CNTN1: variants seen among roughly 807,000 people sequenced by gnomAD.
The protein encoded by CNTN1 is contactin 1.
In CNTN1, 38 loss-of-function variants were observed where a neutral mutation model predicts 126.4. The ratio of observed to expected loss-of-function variants is 0.30; its 90% CI spans 0.23 to 0.39. The LOEUF (loss-of-function observed/expected upper bound fraction) is 0.39. Among genes scored for constraint, CNTN1 ranks in the 10% least tolerant of loss-of-function variants. CNTN1 has a pLI of 1.00. For missense variants in CNTN1, 1,009 were observed against 1,248.4 expected, an observed-to-expected ratio of 0.81 and a Z score of 2.89; for synonymous variants, 413 against 422.6, an observed-to-expected ratio of 0.98 and a Z score of 0.28.
chr12:40,792,606 G>A (rs1236330676), intron 1 of CNTN1, among the ~76,000 whole-genome samples: 3 of 151,902 alleles, frequency 2.0e-5, no homozygotes, highest in African/African-American at 7.3e-5. Context: ...GTGGGTTAGT[G>A]GAAAAAATAA....
intron 17 of CNTN1, among the ~76,000 whole-genome samples, chr12:41,008,541 G>C (rs1010294102): frequency 1.3e-5 from 2 of 152,074 alleles, no homozygotes; most frequent in Admixed American, 6.6e-5. Flanking sequence ...TGTAATTTTA[G>C]TGTTAACCCT....
At chr12:40,997,924 T>C (rs114999651) in intron 17 of CNTN1, among the ~76,000 whole-genome samples, 124 of 152,330 alleles carry the variant, frequency 8.1e-4, no homozygotes, top group African/African-American at 3.0e-3. Context: ...AGTACTGGAA[T>C]CTGATTTTAT....
At chr12:40,872,571 C>CTTTTTTTT (rs35866838) in intron 1 of CNTN1, among the ~76,000 whole-genome samples, 90 of 108,614 alleles carry the variant, frequency 8.3e-4, no homozygotes, top group Non-Finnish European at 1.2e-3. Context: ...TTTTTTCTTT[C>CTTTTTTTT]TTTTTTTTTT....
intron 4 of CNTN1, among the ~76,000 whole-genome samples, chr12:40,919,193 C>T (rs1191848752): frequency 6.6e-6 from 1 of 152,114 alleles, no homozygotes; most frequent in Non-Finnish European, 1.5e-5. Context: ...AAAGATCTTG[C>T]ACAAATAACT....
At chr12:40,895,362 A>C (rs1944374338) in intron 1 of CNTN1, among the ~76,000 whole-genome samples, 1 of 152,188 alleles carries the variant, frequency 6.6e-6, no homozygotes, top group African/African-American at 2.4e-5. Flanking sequence ...GCAACTAGGT[A>C]AGTTATAAAG....
intron 1 of CNTN1, among the ~76,000 whole-genome samples, chr12:40,714,364 G>A (rs923057946): frequency 1.3e-5 from 2 of 151,992 alleles, no homozygotes; most frequent in Non-Finnish European, 2.9e-5. Context: ...CTGAATAATA[G>A]CACCTTCCCC....
chr12:41,001,740 G>T (rs1206475435), intron 17 of CNTN1, among the ~76,000 whole-genome samples: 2 of 151,980 alleles, frequency 1.3e-5, no homozygotes, highest in Admixed American at 1.3e-4. Context: ...TGTCCTCCAG[G>T]GTTTTTATAG....
chr12:41,023,461 G>A (rs1234170695), intron 20 of CNTN1, among the ~76,000 whole-genome samples: 1 of 152,198 alleles, frequency 6.6e-6, no homozygotes, highest in African/African-American at 2.4e-5. Flanking sequence ...GTGTAGGTAA[G>A]CTAGAAGAAT....
At chr12:41,024,595 T>C (rs1948999020) in intron 20 of CNTN1, among the ~76,000 whole-genome samples, 1 of 152,168 alleles carries the variant, frequency 6.6e-6, no homozygotes, top group Non-Finnish European at 1.5e-5. Context: ...ATTTCTTTGA[T>C]ATCTAGCTTC....
Position 40,908,370 on chromosome 12 carries a change from T to C in CNTN1, c.-63T>C. The C allele has an allele frequency of 8.0e-7, 1 of 1,243,752 alleles. No homozygotes were observed. The highest frequency in any genetic ancestry group is 1.2e-6 in the Non-Finnish European group (1 of 846,918). The allele number at this position is 1,243,752 out of a possible 1,614,324, so 77.0% of individuals were successfully genotyped here. On this transcript the variant is annotated 5_prime_UTR_variant, in exon 2 of 24. Coordinates refer to ENST00000551295, the MANE Select transcript of CNTN1 (RefSeq NM_001843.4). Reference sequence around the variant, plus strand: ...TTCTTGATGCAGGTGTTTAAAATTATCCAACTGCCATAGAGCTAAATTCTT... The same window carrying C: ...TTCTTGATGCAGGTGTTTAAAATTACCCAACTGCCATAGAGCTAAATTCTT...
At chr12:40,922,463 G>A (rs747311843) in intron 5 of CNTN1, 35 bp downstream of exon 5, 31 of 1,593,546 alleles carry the variant, frequency 1.9e-5, no homozygotes, top group South Asian at 1.5e-4. Context: ...AAGGGCAAGC[G>A]TGTTTAGGTG....
chr12:41,044,814 C>T (rs192881544), intron 23 of CNTN1, among the ~76,000 whole-genome samples: 3 of 151,944 alleles, frequency 2.0e-5, no homozygotes, highest in Admixed American at 6.6e-5. Flanking sequence ...AAGGGAGATA[C>T]CTTTATTCAA....
chr12:40,972,513 C>G, intron 15 of CNTN1: 1 of 907,334 alleles, frequency 1.1e-6, no homozygotes, highest in Non-Finnish European at 1.3e-6. Flanking sequence ...CTGAAGAAAG[C>G]TTTGAGGGAA....
At chr12:41,041,126 G>A (rs77654702) in intron 23 of CNTN1, among the ~76,000 whole-genome samples, 2 of 131,802 alleles carry the variant, frequency 1.5e-5, no homozygotes, top group Non-Finnish European at 3.3e-5. Context: ...TAGCATGAAG[G>A]GTTGTTGAAT....
chr12:40,858,574 C>A, intron 1 of CNTN1, among the ~76,000 whole-genome samples: 1 of 152,072 alleles, frequency 6.6e-6, no homozygotes, highest in Non-Finnish European at 1.5e-5. Context: ...TGTGGTGATT[C>A]CTCAAAGATC....
At chr12:40,977,801 G>GTT (rs1306346560) in intron 15 of CNTN1, among the ~76,000 whole-genome samples, 3 of 150,530 alleles carry the variant, frequency 2.0e-5, no homozygotes, top group African/African-American at 7.3e-5. Flanking sequence ...GTTTTGTTTT[G>GTT]TTTTGTTTTG....
chr12:40,788,019 A>G (rs1156265092), intron 1 of CNTN1, among the ~76,000 whole-genome samples: 1 of 152,108 alleles, frequency 6.6e-6, no homozygotes, highest in African/African-American at 2.4e-5. Flanking sequence ...GCCTCATCTC[A>G]CTATTAAAAA....
At chr12:40,858,136 G>C (rs1942978962) in intron 1 of CNTN1, among the ~76,000 whole-genome samples, 1 of 152,212 alleles carries the variant, frequency 6.6e-6, no homozygotes, top group African/African-American at 2.4e-5. Context: ...CTAAGGTCCT[G>C]ATTTCTTGCT....
intron 1 of CNTN1, among the ~76,000 whole-genome samples, chr12:40,754,680 T>A (rs1938532590): frequency 6.6e-6 from 1 of 152,076 alleles, no homozygotes; most frequent in South Asian, 2.1e-4. Flanking sequence ...TTTCTCTTTT[T>A]CTAGTATTTA....
Sources: allele counts gnomAD v4.1 joint callset (sites outside exome capture counted in the v4.1 genomes callset), GRCh38; gene constraint gnomAD v4.1.1; transcripts MANE v1.5; gene names NCBI Gene and HGNC (gene_info 2026-07-23, HGNC 2026-07-21).